The following GLB1 variants were observed in gnomAD, a reference collection of about 807,000 sequenced individuals.
GLB1 encodes galactosidase beta 1.
A neutral mutation model predicts 74.0 loss-of-function variants in GLB1; 56 were observed. That is an observed-to-expected ratio of 0.76 (90% CI 0.61 to 0.94). The LOEUF (loss-of-function observed/expected upper bound fraction) is 0.94, where lower values mean the gene tolerates loss of function less well. Ranked by LOEUF, GLB1 falls within the 40% of genes least tolerant of loss-of-function variation. The pLI is 0.00. For missense variants in GLB1, 787 were observed against 845.5 expected, an observed-to-expected ratio of 0.93 and a Z score of 0.86; for synonymous variants, 323 against 323.6, an observed-to-expected ratio of 1.00 and a Z score of 0.02.
chr3:33,034,826 C>G (rs555111089), intron 10 of GLB1: 2 of 586,076 alleles, frequency 3.4e-6, no homozygotes, highest in Non-Finnish European at 6.7e-6. Context: ...CAGGCAGAGC[C>G]TCCCACCTGC....
rs148935109 is a variant in GLB1, at chr3:33,004,026, T to C, written c.1735-6682A>G. On this transcript the variant is annotated intron_variant, in intron 15 of 15. Transcript: ENST00000307363. Reference sequence around the variant, plus strand: ...GCTTGGGCAACAGAGTGAGACTCCATTTCAAAAAAAAAAAGGGGTAGAACA... The same window carrying C: ...GCTTGGGCAACAGAGTGAGACTCCACTTCAAAAAAAAAAAGGGGTAGAACA... 9.9e-3 allele frequency among the ~76,000 whole-genome samples: 1,492 copies of C among 150,606 alleles called. 20 individuals carry two copies. Among genetic ancestry groups the C allele is most frequent in the African/African-American group, 0.031 (1,260 of 41,066 alleles).
the GLB1 span, among the ~76,000 whole-genome samples, chr3:32,985,866 A>G: frequency 6.6e-6 from 1 of 151,882 alleles, no homozygotes. Context: ...ATGCAACACC[A>G]TGTCTGGCTA....
At chr3:33,022,688 C>T (rs946791372) in intron 11 of GLB1, among the ~76,000 whole-genome samples, 1 of 148,618 alleles carries the variant, frequency 6.7e-6, no homozygotes, top group Non-Finnish European at 1.5e-5. Context: ...TCTCCTGCCT[C>T]AACCTCCTGA....
chr3:33,087,579 G>GCGCGCA (rs1374529518), intron 1 of GLB1, among the ~76,000 whole-genome samples: 11 of 141,800 alleles, frequency 7.8e-5, no homozygotes, highest in South Asian at 2.3e-4. Flanking sequence ...CAGCATGCGC[G>GCGCGCA]CACACACACA....
chr3:32,994,971 A>G (rs1285904398), downstream of GLB1, among the ~76,000 whole-genome samples: 1 of 151,812 alleles, frequency 6.6e-6, no homozygotes, highest in African/African-American at 2.4e-5. Flanking sequence ...CTTCCTGGGT[A>G]AGGGGTGGCA....
rs999417429 is a variant in GLB1 at position 33,014,454 on chromosome 3, G to T, written c.1480-144C>A. 8 of 1,258,766 alleles carry T rather than the reference G, an allele frequency of 6.4e-6. No homozygotes were observed. In the Middle Eastern group the frequency reaches 1.1e-3, roughly 169 times the overall value. The allele number at this position is 1,258,766 out of a possible 1,614,324, so 78.0% of individuals were successfully genotyped here. The stretch of plus-strand genomic sequence containing the variant: ...AACCTCGAAATATGTGTACATCGAA[G>T]TAACACAGATCTAACTGGAGGTTGA... On this transcript the variant is annotated intron_variant, in intron 14 of 15. Transcript: ENST00000307363.
intron 10 of GLB1, among the ~76,000 whole-genome samples, chr3:33,041,794 A>G (rs543088732): frequency 1.3e-5 from 2 of 152,318 alleles, no homozygotes; most frequent in Admixed American, 1.3e-4. Context: ...TACTTCAGGC[A>G]GAAGAAGCAA....
At chr3:32,967,558 GTAACT>G in the GLB1 span, among the ~76,000 whole-genome samples, 1 of 152,116 alleles carries the variant, frequency 6.6e-6, no homozygotes, top group Non-Finnish European at 1.5e-5. Flanking sequence ...TGCTTAAAAG[GTAACT>G]TAACCCTTTG....
At chr3:33,066,681 G>A (rs1375087065) in intron 4 of GLB1, among the ~76,000 whole-genome samples, 2 of 152,134 alleles carry the variant, frequency 1.3e-5, no homozygotes, top group Non-Finnish European at 2.9e-5. Flanking sequence ...AAGAGTGACT[G>A]AACAGTGTAT....
chr3:33,084,662 C>G (rs550114745), intron 1 of GLB1, among the ~76,000 whole-genome samples: 1 of 152,108 alleles, frequency 6.6e-6, no homozygotes, highest in African/African-American at 2.4e-5. Context: ...TGGACATACA[C>G]AGATTTAAAT....
Position 33,093,697 on chromosome 3 carries a change from C to G in GLB1, c.75+3314G>C. 1 of 1,614,160 alleles carries G rather than the reference C, an allele frequency of 6.2e-7. No individual in the cohort carries two copies. The highest frequency in any genetic ancestry group is 1.1e-5 in the South Asian group (1 of 91,086). On this transcript the variant is annotated intron_variant, in intron 1 of 15. Coordinates refer to ENST00000307363, the MANE Select transcript of GLB1 (RefSeq NM_000404.4). This position sits in a 1 kb window ranked among gnomAD's most constrained non-coding sequence, Gnocchi z 6.0. The stretch of plus-strand genomic sequence containing the variant: ...ACAGCAGTCACTCCCACTGCCAGGG[C>G]AGGCCTGAGCACGAGCTTCCTTGTC...
the GLB1 span, among the ~76,000 whole-genome samples, chr3:32,972,561 CCT>C: frequency 6.6e-6 from 1 of 152,126 alleles, no homozygotes; most frequent in Admixed American, 6.5e-5. Context: ...GCCTTTTACC[CCT>C]GTTTATTAGT....
Position 33,072,480 on chromosome 3 carries a change from G to A in GLB1, c.245+64C>T, listed in dbSNP as rs1699920202. The A allele has an allele frequency of 3.1e-6, 5 of 1,606,560 alleles. No individual in the cohort carries two copies. The East Asian group carries it at 8.9e-5, about 29-fold the overall frequency. ...TAAAATAGCCACCCTGAGAAATACA[G>A]TTGTATCTTCTCTCCAGAGTGGGTG... On this transcript the variant is annotated intron_variant, in intron 2 of 15. Coordinates refer to ENST00000307363, the MANE Select transcript of GLB1 (RefSeq NM_000404.4).
chr3:33,055,421 G>C (rs1699172015), intron 6 of GLB1, among the ~76,000 whole-genome samples: 1 of 151,682 alleles, frequency 6.6e-6, no homozygotes, highest in African/African-American at 2.4e-5. Context: ...TATTAGGTTG[G>C]TGCAAAAGTA....
At chr3:33,096,094 C>A (rs1445303447) in intron 1 of GLB1, among the ~76,000 whole-genome samples, 1 of 152,202 alleles carries the variant, frequency 6.6e-6, no homozygotes, top group Non-Finnish European at 1.5e-5. Flanking sequence ...TCAACGGTGT[C>A]AAATGCTACC....
chr3:33,018,682 C>A, intron 12 of GLB1, 121 bp from the exon 13 acceptor site: 1 of 1,053,148 alleles, frequency 9.5e-7, no homozygotes, highest in Non-Finnish European at 1.4e-6. Flanking sequence ...AATCTTCCTC[C>A]ACCTCCCGAA....
In GLB1 at chr3:33,052,101, G is replaced by A. The variant is rs1166654400; in HGVS notation, c.793-97C>T. The A allele has an allele frequency of 5.0e-6, 8 of 1,593,630 alleles. No individual in the cohort carries two copies. The Admixed American group carries it at 1.0e-4, about 20-fold the overall frequency. On this transcript the variant is annotated intron_variant, in intron 7 of 15. Transcript: ENST00000307363. ...CCCCATCTATGACAGGTGTAAAGGG[G>A]GTTGACATGCTGACATGCACTGCTT...
At chr3:33,092,543 G>A in intron 1 of GLB1, 1 of 1,169,158 alleles carries the variant, frequency 8.6e-7, no homozygotes, top group East Asian at 4.0e-5. Context: ...CTCTGCAGGA[G>A]AAGGTCCCCA....
chr3:32,966,384 A>T, the GLB1 span, among the ~76,000 whole-genome samples: 1 of 152,198 alleles, frequency 6.6e-6, no homozygotes, highest in African/African-American at 2.4e-5. Flanking sequence ...TTGGACTTGC[A>T]TGGAGCCTGT....
Sources: gnomAD v4.1 joint callset for allele counts (sites outside exome capture counted in the v4.1 genomes callset) on GRCh38, gnomAD v4.1.1 for gene constraint, Gnocchi (gnomAD v3.1) non-coding constraint, MANE v1.5 for transcripts, NCBI Gene and HGNC (gene_info 2026-07-23, HGNC 2026-07-21) for gene names.